The following LCP2 variants were observed in gnomAD, a reference collection of about 807,000 sequenced individuals.
The protein encoded by LCP2 is 76 kDa tyrosine phosphoprotein.
Under a neutral mutation model 74.5 loss-of-function variants are expected in LCP2, and 29 were observed. That is an observed-to-expected ratio of 0.39 (90% CI 0.29 to 0.53). The LOEUF is 0.53. LCP2 is among the 20% of genes least tolerant of loss of function. LCP2 has a pLI of 0.72. For missense variants in LCP2, 604 were observed against 634.6 expected (o/e 0.95, Z 0.52); for synonymous variants, 228 against 229.5 (o/e 0.99, Z 0.06).
At chr5:170,275,712 G>A (rs1761994893) in intron 4 of LCP2, 83 bp downstream of exon 4, 2 of 1,196,000 alleles carry the variant, frequency 1.7e-6, no homozygotes, top group Non-Finnish European at 2.4e-6. Flanking sequence ...CAAAAAGTAG[G>A]GCAAAAACAG....
intron 14 of LCP2, 62 bp downstream of exon 14, chr5:170,261,045 C>A: frequency 3.1e-6 from 4 of 1,302,810 alleles, no homozygotes; most frequent in Non-Finnish European, 4.4e-6. Flanking sequence ...GTCCCAACCT[C>A]CTAAGAGCCT....
intron 2 of LCP2, among the ~76,000 whole-genome samples, chr5:170,290,251 G>T (rs1409812972): frequency 2.0e-5 from 3 of 152,222 alleles, no homozygotes. Flanking sequence ...GGTACAGAAA[G>T]AGGAAAGCCA....
At chr5:170,293,094 T>A (rs375545168) in intron 2 of LCP2, among the ~76,000 whole-genome samples, 2 of 152,346 alleles carry the variant, frequency 1.3e-5, no homozygotes, top group East Asian at 3.9e-4. Flanking sequence ...TTACTATACT[T>A]GGATTCCTCC....
Position 170,250,874 on chromosome 5 carries a change from A to T in LCP2, c.1335T>A (p.Phe445Leu). The T allele has an allele frequency of 6.2e-7, 1 of 1,613,512 alleles. No homozygotes were observed. Among genetic ancestry groups the T allele is most frequent in the Non-Finnish European group, 8.5e-7 (1 of 1,179,562 alleles). The change falls in exon 20 of 21, where the codon TTT (phenylalanine) becomes TTA (leucine). Residue 445 changes from phenylalanine to leucine, a missense_variant. Phe to Leu is a conservative substitution (Grantham distance 22). Coordinates refer to ENST00000046794, the MANE Select transcript of LCP2 (RefSeq NM_005565.5). ...TTTTTTTAGAGCTGTCTCTGACCAG[A>T]AATGTGCCATCCTAAAAAGACAAAT... ...ALRKINQDGT[F>L]LVRDSSKKTT...
intron 16 of LCP2, among the ~76,000 whole-genome samples, chr5:170,257,244 GCAGCAGGAGGGT>G (rs1257140208): frequency 6.6e-6 from 1 of 152,202 alleles, no homozygotes; most frequent in Non-Finnish European, 1.5e-5. Flanking sequence ...ATGGAGGAAA[GCAGCAGGAGGGT>G]CAGCAGACAA....
chr5:170,253,184 CG>C lies in LCP2; in HGVS notation c.1179del (p.Glu394LysfsTer25). 6.2e-7 allele frequency: 1 copy of C among 1,610,406 alleles called. No homozygotes were observed. On this transcript the variant is annotated frameshift_variant, in exon 18 of 21. Coordinates refer to ENST00000046794, the MANE Select transcript of LCP2 (RefSeq NM_005565.5). LOFTEE classifies it high-confidence loss of function. ...QGPSNRPPIR[A>X]EGRNFPLPLP... is the part of the protein sequence containing the mutation. Reference sequence around the variant, plus strand: ...AGTGGCAAGGGGAAGTTTCTGCCTTCGGCTCTGATAGGTGGTCTGTTGCTAG... The same window carrying C: ...AGTGGCAAGGGGAAGTTTCTGCCTTCGCTCTGATAGGTGGTCTGTTGCTAG...
chr5:170,293,475 G>T, intron 1 of LCP2, 103 bp from the exon 2 acceptor site: 1 of 1,099,006 alleles, frequency 9.1e-7, no homozygotes, highest in Middle Eastern at 2.2e-4. Flanking sequence ...GGTACTTGTG[G>T]CTAGCCAGGC....
At chr5:170,295,258 G>A (rs1254972684) in intron 1 of LCP2, among the ~76,000 whole-genome samples, 2 of 152,216 alleles carry the variant, frequency 1.3e-5, no homozygotes, top group South Asian at 2.1e-4. Flanking sequence ...GACACAGGAC[G>A]AGGTACCCAT....
chr5:170,285,710 C>G (rs74876379), intron 3 of LCP2, among the ~76,000 whole-genome samples: 1 of 152,214 alleles, frequency 6.6e-6, no homozygotes, highest in Non-Finnish European at 1.5e-5. Flanking sequence ...AGTGGCTACT[C>G]TTTCCTCCAA....
Position 170,262,856 on chromosome 5 carries a change from CGAGGGCTGCAA to C in LCP2, c.799-6_803del, listed in dbSNP as rs746032868. On this transcript the variant is annotated splice_acceptor_variant and splice_polypyrimidine_tract_variant and coding_sequence_variant and intron_variant, in exon 12 of 21. Coordinates refer to ENST00000046794, the MANE Select transcript of LCP2 (RefSeq NM_005565.5). LOFTEE classifies it high-confidence loss of function. ...AACAGTCTTACCTTCCCGCTGGAAT[CGAGGGCTGCAA>C]GACAGGAGGAAAAATGTATGAGTGT... The C allele has an allele frequency of 6.2e-7, 1 of 1,613,988 alleles. No homozygotes were observed. The highest frequency in any genetic ancestry group is 1.7e-5 in the Admixed American group (1 of 60,018).
At position 170,246,409 on chromosome 5, in the gene LCP2, A is replaced by G. The variant is rs1761294257; in HGVS notation, c.*2288T>C. The G allele has an allele frequency of 4.8e-6, 1 of 208,846 alleles. No homozygotes were observed. Among genetic ancestry groups the G allele is most frequent in the Non-Finnish European group, 9.7e-6 (1 of 103,254 alleles). 12.9% of individuals were successfully genotyped at this position (208,846 alleles called of 1,614,324 possible). ...TTATTAATTGATGGAATGAGTTTTT[A>G]TTAATCAGAACTCTCCTGGTAGTGA... On this transcript the variant is annotated 3_prime_UTR_variant, in exon 21 of 21. Coordinates refer to ENST00000046794, the MANE Select transcript of LCP2 (RefSeq NM_005565.5).
intron 13 of LCP2, 99 bp downstream of exon 13, chr5:170,262,536 G>A (rs557230218): frequency 1.8e-5 from 15 of 815,728 alleles, no homozygotes; most frequent in African/African-American, 1.7e-4. Context: ...CCCTGCCCGG[G>A]AGCACCGAGG....
intron 3 of LCP2, among the ~76,000 whole-genome samples, chr5:170,280,550 G>A (rs901323106): frequency 3.3e-5 from 5 of 152,112 alleles, no homozygotes; most frequent in African/African-American, 4.8e-5. Context: ...CTGAGGCCTC[G>A]GTCGAGAGTG....
chr5:170,290,996 GAA>G (rs1275835573), intron 2 of LCP2, among the ~76,000 whole-genome samples: 2 of 83,366 alleles, frequency 2.4e-5, no homozygotes, highest in Admixed American at 1.1e-4. Context: ...AAGAAAGAAA[GAA>G]AGAGAGAAAG....
chr5:170,251,740 G>A (rs139974334), intron 19 of LCP2: 6,105 of 449,088 alleles, frequency 0.014, 151 homozygotes, highest in South Asian at 0.055. Flanking sequence ...TACCTGGGAA[G>A]TTTGAAGACT....
chr5:170,260,199 A>T (rs1241271185), intron 14 of LCP2, among the ~76,000 whole-genome samples: 3 of 152,174 alleles, frequency 2.0e-5, no homozygotes, highest in African/African-American at 7.2e-5. Flanking sequence ...CACATGGCAC[A>T]CTTTCTTCCC....
At chr5:170,264,881 A>G (rs969977033) in intron 10 of LCP2, among the ~76,000 whole-genome samples, 17 of 152,036 alleles carry the variant, frequency 1.1e-4, no homozygotes, top group African/African-American at 3.9e-4. Flanking sequence ...AAAGATGCTT[A>G]TAAAAGTTTG....
chr5:170,269,819 T>C (rs180790902), intron 7 of LCP2, among the ~76,000 whole-genome samples: 1 of 152,356 alleles, frequency 6.6e-6, no homozygotes, highest in East Asian at 1.9e-4. Context: ...ACTCAACAAC[T>C]GACTCATCCA....
At chr5:170,260,970 T>C in intron 14 of LCP2, 137 bp downstream of exon 14, 1 of 684,226 alleles carries the variant, frequency 1.5e-6, no homozygotes. Flanking sequence ...CACCAGCCCT[T>C]AAGAGACGAG....
Sources: allele counts gnomAD v4.1 joint callset (sites outside exome capture counted in the v4.1 genomes callset), GRCh38; gene constraint gnomAD v4.1.1; transcripts MANE v1.5; gene names NCBI Gene and HGNC (gene_info 2026-07-23, HGNC 2026-07-21).